The following IQSEC1 variants were observed in gnomAD, a reference collection of about 807,000 sequenced individuals.
The protein encoded by IQSEC1 is IQ motif and Sec7 domain ArfGEF 1, also known as IQ motif and SEC7 domain-containing protein 1.
In IQSEC1, 31 loss-of-function variants were observed where a neutral mutation model predicts 91.0. The observed-to-expected ratio is 0.34, with a 90% CI of 0.26 to 0.46. The LOEUF is 0.46. Among genes scored for constraint, IQSEC1 ranks in the 20% least tolerant of loss-of-function variants. IQSEC1 has a pLI of 1.00. For synonymous variants in IQSEC1, 699 were observed against 662.6 expected, an observed-to-expected ratio of 1.05 and a Z score of -0.84; for missense variants, 1,388 against 1,575.6, an observed-to-expected ratio of 0.88 and a Z score of 2.02.
intron 1 of IQSEC1, among the ~76,000 whole-genome samples, chr3:13,005,747 G>A (rs749648919): frequency 1.6e-4 from 25 of 152,220 alleles, no homozygotes; most frequent in Non-Finnish European, 1.2e-4. Context: ...TGGAGGCTTC[G>A]TAGGGACGGG....
At chr3:13,227,984 A>G (rs17834468) in intron 1 of IQSEC1, among the ~76,000 whole-genome samples, 3,789 of 152,186 alleles carry the variant, frequency 0.025, 95 homozygotes, top group African/African-American at 0.069. Context: ...CTCAGTTTCT[A>G]AACAGGGTGA....
intron 3 of IQSEC1, among the ~76,000 whole-genome samples, chr3:12,928,276 G>A (rs1199673022): frequency 6.6e-6 from 1 of 152,230 alleles, no homozygotes; most frequent in Non-Finnish European, 1.5e-5. Context: ...AGGACAAGGA[G>A]CAGTGAGTCC....
At chr3:13,163,271 C>G (rs1707212711) in intron 2 of IQSEC1, among the ~76,000 whole-genome samples, 2 of 152,150 alleles carry the variant, frequency 1.3e-5, no homozygotes, top group South Asian at 2.1e-4. Context: ...CGGCCAAGCT[C>G]AGGACATCTC....
At position 13,188,803 on chromosome 3, in the gene IQSEC1, G is replaced by C. The variant is rs533625170; in HGVS notation, c.273-24670C>G. 3.3e-5 allele frequency among the ~76,000 whole-genome samples: 5 copies of C among 152,360 alleles called. No individual in the cohort carries two copies. In the South Asian group the frequency reaches 1.0e-3, roughly 32 times the overall value. Reference sequence around the variant, plus strand: ...AAGCCAACTAGAGGGAAGCAGAGCTGAGAGAGGGAAAGAGACAGAGCCAGG... The same window carrying C: ...AAGCCAACTAGAGGGAAGCAGAGCTCAGAGAGGGAAAGAGACAGAGCCAGG... On this transcript the variant is annotated intron_variant, in intron 1 of 15. Transcript: ENST00000648114.
Position 13,195,947 on chromosome 3 carries a change from G to A in IQSEC1, c.273-31814C>T, listed in dbSNP as rs149335856. On this transcript the variant is annotated intron_variant, in intron 1 of 15. Coordinates refer to the IQSEC1 transcript ENST00000648114. ...TTGGAGGAAACTGGGTGGAGGGGAC[G>A]TGGGTCTGTCTGTATTATTTCTTAT... Among the ~76,000 whole-genome samples the A allele has an allele frequency of 2.1e-3, 321 of 152,326 alleles. 1 individual carries two copies. Among genetic ancestry groups the A allele is most frequent in the African/African-American group, 6.4e-3 (267 of 41,574 alleles).
At chr3:12,910,585 G>A (rs1019853691) in intron 10 of IQSEC1, among the ~76,000 whole-genome samples, 1 of 152,236 alleles carries the variant, frequency 6.6e-6, no homozygotes, top group African/African-American at 2.4e-5. Context: ...GGCAGGAGGT[G>A]GGGAGGCGGC....
intron 1 of IQSEC1, among the ~76,000 whole-genome samples, chr3:13,218,710 T>C (rs1377985323): frequency 6.6e-6 from 1 of 152,228 alleles, no homozygotes; most frequent in African/African-American, 2.4e-5. Context: ...GGGAGACCCC[T>C]GACTGCCACC....
intron 1 of IQSEC1, among the ~76,000 whole-genome samples, chr3:12,988,610 G>C (rs1296699456): frequency 2.0e-5 from 3 of 152,132 alleles, no homozygotes; most frequent in Admixed American, 6.5e-5. Flanking sequence ...TCCATAGGTG[G>C]TACGACAGGA....
At chr3:12,915,542 G>C in intron 7 of IQSEC1, 52 bp downstream of exon 7, 1 of 1,589,362 alleles carries the variant, frequency 6.3e-7, no homozygotes, top group Non-Finnish European at 8.6e-7. Flanking sequence ...CTGGCAGGCA[G>C]CCCCGCCCGG....
Position 13,154,462 on chromosome 3 carries a change from T to TAC in IQSEC1, c.302+9641_302+9642insGT, listed in dbSNP as rs1364893650. On this transcript the variant is annotated intron_variant, in intron 2 of 15. Transcript: ENST00000648114. ...GCATATATATATATATATATATATA[T>TAC]ATATATATATATATGCAAAAACTGA... Among the ~76,000 whole-genome samples, 14 of 116,434 alleles carry TAC rather than the reference T, an allele frequency of 1.2e-4. 1 individual carries two copies. Among genetic ancestry groups the TAC allele is most frequent in the African/African-American group, 4.4e-4 (13 of 29,384 alleles). 76.4% of individuals were successfully genotyped at this position (116,434 alleles called of 152,430 possible).
intron 1 of IQSEC1, among the ~76,000 whole-genome samples, chr3:13,017,394 T>A (rs1310364043): frequency 1.3e-5 from 2 of 152,226 alleles, no homozygotes; most frequent in African/African-American, 2.4e-5. Context: ...AACTACTTGC[T>A]GATCAGCGGA....
At chr3:13,036,887 T>C (rs6442346) in intron 1 of IQSEC1, among the ~76,000 whole-genome samples, 107,519 of 152,096 alleles carry the variant, frequency 0.71, 38,650 homozygotes, top group South Asian at 0.86. Flanking sequence ...TCCCACATCC[T>C]GAACCAGACA....
chr3:13,185,035 G>C (rs1398675549), intron 1 of IQSEC1, among the ~76,000 whole-genome samples: 1 of 152,174 alleles, frequency 6.6e-6, no homozygotes. Flanking sequence ...AAGAGTCGGA[G>C]ACCACAGATG....
intron 1 of IQSEC1, among the ~76,000 whole-genome samples, chr3:13,046,513 C>T (rs1704500684): frequency 6.6e-6 from 1 of 152,222 alleles, no homozygotes; most frequent in Non-Finnish European, 1.5e-5. Flanking sequence ...ACACGTGGGG[C>T]CCAGCCCTTG....
rs556363430 is a variant in IQSEC1, at chr3:12,909,761, C to G, written c.2417-327G>C. Among the ~76,000 whole-genome samples, 2 of 152,360 alleles carry G rather than the reference C, an allele frequency of 1.3e-5. No homozygotes were observed. The highest frequency in any genetic ancestry group is 4.1e-4 in the South Asian group (2 of 4,832). The stretch of plus-strand genomic sequence containing the variant: ...CTTCTCTAGTCATCTCAGTTCTGGA[C>G]AGCAGTGAGCGCCATATTCTCCCGA... On this transcript the variant is annotated intron_variant, in intron 10 of 13. Coordinates refer to ENST00000613206, the MANE Select transcript of IQSEC1 (RefSeq NM_001134382.3). This position sits in a 1 kb window ranked among gnomAD's most constrained non-coding sequence, Gnocchi z 4.9.
chr3:12,940,413 C>T lies in IQSEC1; in HGVS notation c.318+1158G>A, dbSNP rs2125343801. Among the ~76,000 whole-genome samples, 1 of 152,052 alleles carries T rather than the reference C, an allele frequency of 6.6e-6. No homozygotes were observed. Among genetic ancestry groups the T allele is most frequent in the South Asian group, 2.1e-4 (1 of 4,814 alleles). On this transcript the variant is annotated intron_variant, in intron 2 of 13. Coordinates refer to ENST00000613206, the MANE Select transcript of IQSEC1 (RefSeq NM_001134382.3). This position sits in a 1 kb window ranked among gnomAD's most constrained non-coding sequence, Gnocchi z 4.4. The stretch of plus-strand genomic sequence containing the variant: ...AGCAAACACAAACAAACAAAAACAA[C>T]CCAAAAATTGTTTTTAAAGAAAAAG...
rs1694064306 is a variant in IQSEC1, at chr3:12,899,963, AAAAG to A, written c.*1016_*1019del. 1.0e-6 allele frequency: 1 copy of A among 985,200 alleles called. No homozygotes were observed. The highest frequency in any genetic ancestry group is 1.7e-5 in the African/African-American group (1 of 57,210). The allele number at this position is 985,200 out of a possible 1,614,324, so 61.0% of individuals were successfully genotyped here. A position where few individuals can be genotyped will look rare whatever the true frequency, so the allele number is the denominator to read the frequency against. On this transcript the variant is annotated 3_prime_UTR_variant, in exon 14 of 14. Coordinates refer to ENST00000613206, the MANE Select transcript of IQSEC1 (RefSeq NM_001134382.3). Reference sequence around the variant, plus strand: ...AGTGTGCGTCAAATCATATGCGCATAAAAGAAACATGGATCATGGAGAGTCACAG... The same window carrying A: ...AGTGTGCGTCAAATCATATGCGCATAAAACATGGATCATGGAGAGTCACAG...
At chr3:13,249,167 CTTTTTT>C (rs60976247) in intron 1 of IQSEC1, among the ~76,000 whole-genome samples, 3 of 106,728 alleles carry the variant, frequency 2.8e-5, no homozygotes, top group Admixed American at 1.0e-4. Flanking sequence ...GAAGGAATTT[CTTTTTT>C]TTTTTTTTTT....
intron 1 of IQSEC1, among the ~76,000 whole-genome samples, chr3:13,001,810 G>A (rs1576145654): frequency 2.6e-5 from 4 of 152,284 alleles, no homozygotes. Flanking sequence ...TGTAATCCCA[G>A]CACTTTGGGA....
Sources: gnomAD v4.1 joint callset for allele counts (sites outside exome capture counted in the v4.1 genomes callset) on GRCh38, gnomAD v4.1.1 for gene constraint, Gnocchi (gnomAD v3.1) non-coding constraint, MANE v1.5 for transcripts, NCBI Gene and HGNC (gene_info 2026-07-23, HGNC 2026-07-21) for gene names.